The following MYO1C variants were observed in gnomAD, a reference collection of about 807,000 sequenced individuals.
MYO1C encodes myosin IC, also known as unconventional myosin-Ic.
MYO1C carries 104 observed loss-of-function variants against 150.8 expected under a neutral mutation model. The ratio of observed to expected loss-of-function variants is 0.69; its 90% CI spans 0.59 to 0.81. The LOEUF (loss-of-function observed/expected upper bound fraction) is 0.81, where lower values mean the gene tolerates loss of function less well. Ranked by LOEUF, MYO1C falls within the 30% of genes least tolerant of loss-of-function variation. The pLI, the probability that MYO1C is intolerant of heterozygous loss-of-function variation, is 0.00. For missense variants in MYO1C, 1,504 were observed against 1,435.0 expected, an observed-to-expected ratio of 1.05 and a Z score of -0.78; for synonymous variants, 663 against 579.9, an observed-to-expected ratio of 1.14 and a Z score of -2.06.
rs778674231 is a variant in MYO1C, at chr17:1,484,187, G to A, written c.192C>T (p.Ile64=). The stretch of plus-strand genomic sequence containing the variant: ...CCCGAAATCGCCGCCGCAGGTTCTC[G>A]ATGAAGGCGGCCTCGCTGGTGAAGT... ...LENFTSEAAF[I]ENLRRRFREN... is the part of the protein sequence containing the mutation. Residue 64 remains isoleucine, a synonymous_variant, in exon 2 of 32, where the codon ATC becomes ATT. Coordinates refer to ENST00000648651, the MANE Select transcript of MYO1C (RefSeq NM_001080779.2). 15 of 1,612,878 alleles carry A rather than the reference G, an allele frequency of 9.3e-6. No homozygotes were observed. Among genetic ancestry groups the A allele is most frequent in the Middle Eastern group, 3.3e-4 (2 of 6,084 alleles).
In MYO1C at chr17:1,479,761, G is replaced by A. The variant is rs1473385233; in HGVS notation, c.907-56C>T. 3 of 1,311,302 alleles carry A rather than the reference G, an allele frequency of 2.3e-6. No individual in the cohort carries two copies. The highest frequency in any genetic ancestry group is 2.9e-5 in the African/African-American group (2 of 68,702). The allele number at this position is 1,311,302 out of a possible 1,614,324, so 81.2% of individuals were successfully genotyped here. ...TGAGAGGGGCCAGAGAGCCCCAAGAGGGCAACTAGCAGATGGCCATGCAGG... is the reference window on the plus strand; with the variant it reads ...TGAGAGGGGCCAGAGAGCCCCAAGAAGGCAACTAGCAGATGGCCATGCAGG... On this transcript the variant is annotated intron_variant, in intron 7 of 31. Transcript: ENST00000648651. The surrounding 1 kb of genome is among the most constrained non-coding windows in gnomAD (Gnocchi z 4.2).
intron 1 of MYO1C, chr17:1,490,871 C>CA (rs1329962153): frequency 6.6e-6 from 1 of 152,450 alleles, no homozygotes; most frequent in Non-Finnish European, 1.5e-5. Flanking sequence ...CCAGCCAGTC[C>CA]AAGCTTCAGT....
intron 1 of MYO1C, chr17:1,485,357 T>TGGCCTGGGGCGTCACTCAGGGCCC (rs6145946): frequency 0.67 from 721,329 of 1,075,136 alleles, 244,456 homozygotes; most frequent in Non-Finnish European, 0.69. Flanking sequence ...CCCAGATTTC[T>TGGCCTGGGGCGTCACTCAGGGCCC]GGCCGGGGGC....
intron 17 of MYO1C, among the ~76,000 whole-genome samples, chr17:1,474,145 G>A (rs1304870250): frequency 6.6e-6 from 1 of 151,986 alleles, no homozygotes; most frequent in Non-Finnish European, 1.5e-5. Flanking sequence ...AGGCAAACAG[G>A]GACAGGCGTG....
chr17:1,483,912 G>C (rs1025539822), intron 2 of MYO1C, among the ~76,000 whole-genome samples, 187 bp from the exon 3 acceptor site: 8 of 152,098 alleles, frequency 5.3e-5, no homozygotes, highest in Admixed American at 3.9e-4. Context: ...CGTGGTGGCG[G>C]GTGCCTGTAA....
chr17:1,474,058 C>T (rs1044112123), intron 17 of MYO1C, among the ~76,000 whole-genome samples: 8 of 152,040 alleles, frequency 5.3e-5, no homozygotes, highest in Admixed American at 4.6e-4. Context: ...GACAGACGTA[C>T]ACAAGGATTC....
chr17:1,467,037 C>T (rs933421058), intron 31 of MYO1C, among the ~76,000 whole-genome samples: 3 of 152,334 alleles, frequency 2.0e-5, no homozygotes, highest in South Asian at 2.1e-4. Flanking sequence ...GGATTATAGG[C>T]ATGAGCCACC....
rs745931713 is a variant in MYO1C at position 1,482,469 on chromosome 17, C to T, written c.627+9G>A. On this transcript the variant is annotated intron_variant, in intron 5 of 31. Coordinates refer to ENST00000648651, the MANE Select transcript of MYO1C (RefSeq NM_001080779.2). Reference sequence around the variant, plus strand: ...ATGGGAATCCTCACGACACACACATCCATGGTACCTTGAAGTCAAACTGCA... The same window carrying T: ...ATGGGAATCCTCACGACACACACATTCATGGTACCTTGAAGTCAAACTGCA... 6.2e-7 allele frequency: 1 copy of T among 1,612,826 alleles called. No homozygotes were observed. Among genetic ancestry groups the T allele is most frequent in the African/African-American group, 1.3e-5 (1 of 74,988 alleles).
intron 1 of MYO1C, among the ~76,000 whole-genome samples, chr17:1,488,932 A>G (rs1369151910): frequency 6.6e-6 from 1 of 152,174 alleles, no homozygotes; most frequent in African/African-American, 2.4e-5. Context: ...TTCAGCTCCT[A>G]TAGGCCAGGT....
rs1176796420 is a variant in MYO1C, at chr17:1,485,731, G to A, written c.76-1428C>T. The A allele has an allele frequency of 4.4e-6, 5 of 1,148,090 alleles. No individual in the cohort carries two copies. In the Admixed American group the frequency reaches 1.4e-4, roughly 33 times the overall value. The allele number at this position is 1,148,090 out of a possible 1,614,324, so 71.1% of individuals were successfully genotyped here. A position where few individuals can be genotyped will look rare whatever the true frequency, so the allele number is the denominator to read the frequency against. On this transcript the variant is annotated intron_variant, in intron 1 of 31. Transcript: ENST00000648651. ...GCGCATCCTGCCCGGCCGGCCTGGC[G>A]CCCGCTCCGCTGCCCGCGCTCCGGG...
At position 1,479,802 on chromosome 17, in the gene MYO1C, G is replaced by C. The variant is rs146230200; in HGVS notation, c.907-97C>G. 86 of 830,762 alleles carry C rather than the reference G, an allele frequency of 1.0e-4. No individual in the cohort carries two copies. The Admixed American group carries it at 1.8e-3, about 17-fold the overall frequency. 51.5% of individuals were successfully genotyped at this position (830,762 alleles called of 1,614,324 possible). A position where few individuals can be genotyped will look rare whatever the true frequency, so the allele number is the denominator to read the frequency against. ...GCCATGCAGGGGTGGGTGGTGAAGT[G>C]TCGGAGAGAAGGGGCTGGAAGTGGG... On this transcript the variant is annotated intron_variant, in intron 7 of 31. Coordinates refer to ENST00000648651, the MANE Select transcript of MYO1C (RefSeq NM_001080779.2). The surrounding 1 kb of genome is among the most constrained non-coding windows in gnomAD (Gnocchi z 4.2).
At chr17:1,477,049 G>C (rs2074415091) in intron 14 of MYO1C, among the ~76,000 whole-genome samples, 1 of 151,852 alleles carries the variant, frequency 6.6e-6, no homozygotes, top group African/African-American at 2.4e-5. Context: ...ATGTTGCCCA[G>C]GCTCGTTTTG....
At chr17:1,492,328 T>C in intron 1 of MYO1C, 85 bp downstream of exon 1, 1 of 1,389,280 alleles carries the variant, frequency 7.2e-7, no homozygotes, top group Non-Finnish European at 1.0e-6. Flanking sequence ...TGCTCAGCTC[T>C]TGCCCGAGGG....
At chr17:1,491,684 C>T (rs1172514628) in intron 1 of MYO1C, 192 of 978,624 alleles carry the variant, frequency 2.0e-4, no homozygotes, top group Non-Finnish European at 2.3e-4. Context: ...ACTCTCCCCG[C>T]CCAGGGCCCG....
At chr17:1,491,653 GGGGATCCGC>G in intron 1 of MYO1C, 1 of 980,720 alleles carries the variant, frequency 1.0e-6, no homozygotes, top group Non-Finnish European at 1.2e-6. Flanking sequence ...TGGCGGGCTT[GGGGATCCGC>G]GGCCCGGGCG....
chr17:1,466,780 C>A (rs1172516876), intron 31 of MYO1C, among the ~76,000 whole-genome samples: 1 of 152,058 alleles, frequency 6.6e-6, no homozygotes, highest in Non-Finnish European at 1.5e-5. Flanking sequence ...GCGTGCACCA[C>A]CACGCCCGGC....
At chr17:1,489,413 A>G (rs7501971) in intron 1 of MYO1C, among the ~76,000 whole-genome samples, 140,518 of 152,302 alleles carry the variant, frequency 0.92, 65,637 homozygotes, top group African/African-American at 0.98. Flanking sequence ...AGTGGCTCAC[A>G]CCTGTAACCC....
At position 1,478,741 on chromosome 17, in the gene MYO1C, G is replaced by A. The variant is rs1245397060; in HGVS notation, c.1093-6C>T. 3 of 1,613,620 alleles carry A rather than the reference G, an allele frequency of 1.9e-6. No homozygotes were observed. Among genetic ancestry groups the A allele is most frequent in the Admixed American group, 1.7e-5 (1 of 60,006 alleles). On this transcript the variant is annotated splice_polypyrimidine_tract_variant and splice_region_variant and intron_variant, in intron 9 of 31. Coordinates refer to ENST00000648651, the MANE Select transcript of MYO1C (RefSeq NM_001080779.2). This position sits in a 1 kb window ranked among gnomAD's most constrained non-coding sequence, Gnocchi z 6.3. Reference sequence around the variant, plus strand: ...AGGTTCAGCGGGCTCAGGAGCTGTGGACGCAGCGTGAGACAAGGAGATGAA... The same window carrying A: ...AGGTTCAGCGGGCTCAGGAGCTGTGAACGCAGCGTGAGACAAGGAGATGAA...
intron 1 of MYO1C, chr17:1,485,561 T>G: frequency 1.5e-6 from 1 of 685,086 alleles, no homozygotes. Context: ...CTCCTCCCCC[T>G]GCAACTTCCC....
Sources: gnomAD v4.1 joint callset for allele counts (sites outside exome capture counted in the v4.1 genomes callset) on GRCh38, gnomAD v4.1.1 for gene constraint, Gnocchi (gnomAD v3.1) non-coding constraint, MANE v1.5 for transcripts, NCBI Gene and HGNC (gene_info 2026-07-23, HGNC 2026-07-21) for gene names.